Variants in JAKMIP1 observed in about 807,000 individuals in gnomAD.
The protein encoded by JAKMIP1 is janus kinase and microtubule interacting protein 1.
In JAKMIP1, 33 loss-of-function variants were observed where a neutral mutation model predicts 113.0. That is an observed-to-expected ratio of 0.29 (90% confidence interval 0.22 to 0.39). The LOEUF is 0.39. Among genes scored for constraint, JAKMIP1 ranks in the 10% least tolerant of loss-of-function variants. The probability of loss-of-function intolerance (pLI) is 1.00; values close to 1 mark genes in which losing one functional copy is unlikely to be tolerated. For synonymous variants in JAKMIP1, 480 were observed against 459.9 expected (o/e 1.04, Z -0.56); for missense variants, 813 against 1,080.5 (o/e 0.75, Z 3.47).
intron 8 of JAKMIP1, among the ~76,000 whole-genome samples, chr4:6,073,094 A>AAG (rs1305619768): frequency 2.0e-5 from 3 of 151,740 alleles, no homozygotes; most frequent in African/African-American, 7.3e-5. Context: ...AAAAAAAAAA[A>AAG]AAAGTGCTTG....
intron 8 of JAKMIP1, among the ~76,000 whole-genome samples, chr4:6,073,880 CATATGCT>C (rs1719318064): frequency 6.6e-6 from 1 of 152,236 alleles, no homozygotes; most frequent in African/African-American, 2.4e-5. Context: ...AGCCATTATG[CATATGCT>C]TAGAACTCTG....
chr4:6,161,735 G>C (rs1722987702), intron 1 of JAKMIP1, among the ~76,000 whole-genome samples: 2 of 152,034 alleles, frequency 1.3e-5, no homozygotes, highest in Non-Finnish European at 2.9e-5. Flanking sequence ...ATTGGTCCTG[G>C]GGTTTGAAAA....
chr4:6,152,789 A>AATATATATATATATATATAC lies in JAKMIP1; in HGVS notation c.-147-39793_-147-39792insGTATATATATATATATATAT, dbSNP rs1553854422. Among the ~76,000 whole-genome samples, 13 of 135,276 alleles carry AATATATATATATATATATAC rather than the reference A, an allele frequency of 9.6e-5. No individual in the cohort carries two copies. The South Asian group carries it at 2.1e-3, about 21-fold the overall frequency. 88.7% of individuals were successfully genotyped at this position (135,276 alleles called of 152,430 possible). On this transcript the variant is annotated intron_variant, in intron 1 of 20. Transcript: ENST00000409021. ...AAACTCTGTCTCTACTAAAAATACAAATATATATATATATATATATACATA... is the reference window on the plus strand; with the variant it reads ...AAACTCTGTCTCTACTAAAAATACAAATATATATATATATATATACATATATATATATATATATATACATA...
At chr4:6,148,145 T>A (rs781583488) in intron 1 of JAKMIP1, among the ~76,000 whole-genome samples, 1 of 152,244 alleles carries the variant, frequency 6.6e-6, no homozygotes, top group Non-Finnish European at 1.5e-5. Context: ...TTTCTGAAGA[T>A]GTCCTGGGTT....
At chr4:6,053,897 T>A (rs1212635466) in intron 13 of JAKMIP1, 153 bp downstream of exon 13, 18 of 1,525,206 alleles carry the variant, frequency 1.2e-5, no homozygotes, top group Admixed American at 4.5e-5. Flanking sequence ...ACATACAGAT[T>A]TAAAAAAAAA....
chr4:6,105,488 G>A lies in JAKMIP1; in HGVS notation c.609C>T (p.Arg203=), dbSNP rs369525586. ...CGGCACGTACCAGCCTGCGGATGTC[G>A]CGCTCGCACTCGCGCTTGATGCGGT... ...EVHRIKRECE[R]DIRRLMDEIK... The change falls in exon 3 of 21, where the codon CGC becomes CGT. Residue 203 remains arginine, a synonymous_variant. Transcript: ENST00000409021. 12 of 1,602,188 alleles carry A rather than the reference G, an allele frequency of 7.5e-6. No individual in the cohort carries two copies. The highest frequency in any genetic ancestry group is 1.7e-5 in the Admixed American group (1 of 59,628).
At chr4:6,043,114 G>T (rs1445734935) in intron 16 of JAKMIP1, among the ~76,000 whole-genome samples, 2 of 152,030 alleles carry the variant, frequency 1.3e-5, no homozygotes, top group African/African-American at 2.4e-5. Context: ...GGGTGTCCGG[G>T]TTTGACAACA....
chr4:6,177,344 G>C (rs1317319998), intron 1 of JAKMIP1, among the ~76,000 whole-genome samples: 4 of 152,160 alleles, frequency 2.6e-5, no homozygotes, highest in Non-Finnish European at 4.4e-5. Flanking sequence ...AGAAAGACAG[G>C]ATTTGAACCC....
In JAKMIP1 at chr4:6,093,975, C is replaced by T. The variant is rs1397470077; in HGVS notation, c.625-8346G>A. 1.3e-5 allele frequency among the ~76,000 whole-genome samples: 2 copies of T among 151,870 alleles called. No homozygotes were observed. The highest frequency in any genetic ancestry group is 2.9e-5 in the Non-Finnish European group (2 of 67,970). The stretch of plus-strand genomic sequence containing the variant: ...GCTGGGCAGTCCCCAGATGTCCTGC[C>T]CTTCACCTCCCAAGCAGAGATCACA... On this transcript the variant is annotated intron_variant, in intron 3 of 20. Coordinates refer to ENST00000409021, the MANE Select transcript of JAKMIP1 (RefSeq NM_001099433.2). The surrounding 1 kb of genome is among the most constrained non-coding windows in gnomAD (Gnocchi z 4.6).
At chr4:6,159,980 C>G (rs1722706014) in intron 1 of JAKMIP1, among the ~76,000 whole-genome samples, 1 of 152,170 alleles carries the variant, frequency 6.6e-6, no homozygotes, top group African/African-American at 2.4e-5. Flanking sequence ...ACATCAGACA[C>G]TCACGGACGT....
rs1723071419 is a variant in JAKMIP1, at chr4:6,162,324, G to A, written c.-148+37929C>T. 6.6e-6 allele frequency among the ~76,000 whole-genome samples: 1 copy of A among 152,190 alleles called. No individual in the cohort carries two copies. Among genetic ancestry groups the A allele is most frequent in the Non-Finnish European group, 1.5e-5 (1 of 68,044 alleles). ...CACCAGGACACTGCACTGCAGCCGA[G>A]CTTGCATCTGTGCAGCTAAGGCAGC... On this transcript the variant is annotated intron_variant, in intron 1 of 20. Transcript: ENST00000409021. This position sits in a 1 kb window ranked among gnomAD's most constrained non-coding sequence, Gnocchi z 5.6.
intron 18 of JAKMIP1, among the ~76,000 whole-genome samples, chr4:6,038,099 C>T (rs1713784539): frequency 7.1e-6 from 1 of 140,148 alleles, no homozygotes; most frequent in South Asian, 2.4e-4. Flanking sequence ...AGCCCTCCAT[C>T]ACTGAGGCAG....
intron 1 of JAKMIP1, among the ~76,000 whole-genome samples, chr4:6,170,950 C>A (rs995321251): frequency 4.0e-5 from 6 of 150,744 alleles, no homozygotes; most frequent in Non-Finnish European, 5.9e-5. Context: ...CCACCAGCAT[C>A]CCCATCACCA....
rs1726741401 is a variant in JAKMIP1, at chr4:6,187,175, A to T, written c.-148+13078T>A. The stretch of plus-strand genomic sequence containing the variant: ...TCATATATTTTGGTGCTCTGTTGTT[A>T]GGTGCAAATATGTTTATAATTGTTA... On this transcript the variant is annotated intron_variant, in intron 1 of 20. Transcript: ENST00000409021. The surrounding 1 kb of genome is among the most constrained non-coding windows in gnomAD (Gnocchi z 4.2). Among the ~76,000 whole-genome samples the T allele has an allele frequency of 6.6e-6, 1 of 152,162 alleles. No individual in the cohort carries two copies. The highest frequency in any genetic ancestry group is 1.5e-5 in the Non-Finnish European group (1 of 68,022).
Position 6,035,986 on chromosome 4 carries a change from C to T in JAKMIP1, c.2297G>A (p.Arg766His). Residue 766 changes from arginine to histidine, a missense_variant, in exon 19 of 21, where the codon CGC becomes CAC. Physicochemically the swap from Arg to His is conservative, Grantham distance 29. This residue lies in a region of JAKMIP1 where 273 missense variants were observed against 426.6 expected (regional missense o/e 0.64). Transcript: ENST00000409021. Reference protein sequence around the residue: ...EDLQAAVEKVRRQILRQSREF... With the variant: ...EDLQAAVEKVHRQILRQSREF... ...GCGGCTCTGCCTGAGGATCTGCCTG[C>T]GCACCTTTTCCACAGCAGCCTGCAG... is the stretch of plus-strand genomic sequence containing the variant. 2 of 1,551,620 alleles carry T rather than the reference C, an allele frequency of 1.3e-6. No individual in the cohort carries two copies. Among genetic ancestry groups the T allele is most frequent in the Non-Finnish European group, 1.7e-6 (2 of 1,147,026 alleles).
intron 1 of JAKMIP1, among the ~76,000 whole-genome samples, chr4:6,117,434 G>A (rs1238222269): frequency 6.6e-6 from 1 of 152,140 alleles, no homozygotes; most frequent in African/African-American, 2.4e-5. Context: ...ATAGGTGTGG[G>A]TGACAGACAT....
intron 3 of JAKMIP1, among the ~76,000 whole-genome samples, chr4:6,098,564 A>AAG (rs1553831628): frequency 4.5e-5 from 1 of 22,354 alleles, no homozygotes. Context: ...GAAAGAAAGA[A>AAG]AGAAAGAAAG....
chr4:6,172,862 T>G (rs922324309), intron 1 of JAKMIP1, among the ~76,000 whole-genome samples: 10 of 151,502 alleles, frequency 6.6e-5, no homozygotes, highest in African/African-American at 2.2e-4. Context: ...CCAGATCGAG[T>G]GCAGAGGGTG....
intron 3 of JAKMIP1, among the ~76,000 whole-genome samples, chr4:6,095,926 T>C (rs1366275701): frequency 2.0e-5 from 3 of 151,900 alleles, no homozygotes; most frequent in African/African-American, 4.8e-5. Flanking sequence ...GAGAGAAAAA[T>C]ATCAGATGAG....
Sources: gnomAD v4.1 joint callset for allele counts (sites outside exome capture counted in the v4.1 genomes callset) on GRCh38, gnomAD v4.1.1 for gene constraint, gnomAD v4.1.1 regional missense constraint, Gnocchi (gnomAD v3.1) non-coding constraint, MANE v1.5 for transcripts, NCBI Gene and HGNC (gene_info 2026-07-23, HGNC 2026-07-21) for gene names.